The following SPACA7 variants were observed in gnomAD, a reference collection of about 807,000 sequenced individuals.
SPACA7 encodes the protein sperm acrosome-associated protein 7.
Under a neutral mutation model 26.3 loss-of-function variants are expected in SPACA7, and 19 were observed. The ratio of observed to expected loss-of-function variants is 0.72; its 90% CI spans 0.50 to 1.06. SPACA7 has a LOEUF of 1.06. Among genes scored for constraint, SPACA7 ranks in the 50% least tolerant of loss-of-function variants. SPACA7 has a pLI of 0.00. For missense variants in SPACA7, 211 were observed against 229.9 expected (o/e 0.92, Z 0.53); for synonymous variants, 84 against 84.5 (o/e 0.99, Z 0.04).
At chr13:112,389,759 A>G (rs1884756267) in intron 1 of SPACA7, among the ~76,000 whole-genome samples, 1 of 152,264 alleles carries the variant, frequency 6.6e-6, no homozygotes. Flanking sequence ...CCGGCAACAC[A>G]GTAACACAAA....
chr13:112,378,745 G>A (rs1176871614), intron 1 of SPACA7: 2 of 470,978 alleles, frequency 4.2e-6, no homozygotes, highest in African/African-American at 2.0e-5. Flanking sequence ...AGTTTCTCCA[G>A]CTCCATCAAA....
intron 2 of SPACA7, among the ~76,000 whole-genome samples, chr13:112,395,617 T>C (rs1318783631): frequency 2.0e-5 from 3 of 152,136 alleles, no homozygotes; most frequent in Non-Finnish European, 4.4e-5. Flanking sequence ...ATTTCAGATG[T>C]GCACCACCTC....
rs752294330 is a variant in SPACA7, at chr13:112,383,189, G to GA, written c.94+6713dup. Reference sequence around the variant, plus strand: ...AGAAAGAAAGAAAGAAAGAAAGAAAGAAAGAAAAGAAAGAAAGAAAGGAAA... The same window carrying GA: ...AGAAAGAAAGAAAGAAAGAAAGAAAGAAAAGAAAAGAAAGAAAGAAAGGAAA... On this transcript the variant is annotated intron_variant, in intron 1 of 6. Transcript: ENST00000283550. Among the ~76,000 whole-genome samples, 39 of 132,996 alleles carry GA rather than the reference G, an allele frequency of 2.9e-4. 1 individual carries two copies. The highest frequency in any genetic ancestry group is 4.8e-4 in the Non-Finnish European group (30 of 62,448). 87.3% of individuals were successfully genotyped at this position (132,996 alleles called of 152,430 possible). A position where few individuals can be genotyped will look rare whatever the true frequency, so the allele number is the denominator to read the frequency against.
At chr13:112,424,707 C>T (rs1876355193) in intron 5 of SPACA7, among the ~76,000 whole-genome samples, 2 of 152,250 alleles carry the variant, frequency 1.3e-5, no homozygotes, top group African/African-American at 2.4e-5. Context: ...TTACCAAAAG[C>T]CAAATGGAAG....
rs534161833 is a variant in SPACA7 at position 112,381,615 on chromosome 13, C to T, written c.94+5136C>T. 4.8e-4 allele frequency among the ~76,000 whole-genome samples: 73 copies of T among 152,274 alleles called. No individual in the cohort carries two copies. In the South Asian group the frequency reaches 8.5e-3, roughly 18 times the overall value. ...ACTGCGATAGAGAAAGAGTAATTCA[C>T]GCAGAGCCAGCTGTGCAGGAGACCA... On this transcript the variant is annotated intron_variant, in intron 1 of 6. Coordinates refer to ENST00000283550, the MANE Select transcript of SPACA7 (RefSeq NM_145248.5).
chr13:112,412,366 G>GT (rs1286257978), intron 5 of SPACA7, among the ~76,000 whole-genome samples: 1 of 150,970 alleles, frequency 6.6e-6, no homozygotes, highest in Non-Finnish European at 1.5e-5. Flanking sequence ...TTGATTTCTT[G>GT]TCAGATGGAT....
chr13:112,389,695 A>G (rs1476351431), intron 1 of SPACA7, among the ~76,000 whole-genome samples: 1 of 152,234 alleles, frequency 6.6e-6, no homozygotes, highest in Non-Finnish European at 1.5e-5. Flanking sequence ...ACATACAGAC[A>G]GACACATGAA....
intron 5 of SPACA7, among the ~76,000 whole-genome samples, chr13:112,410,405 T>C (rs1479973314): frequency 6.6e-6 from 1 of 152,076 alleles, no homozygotes; most frequent in Non-Finnish European, 1.5e-5. Context: ...GTTTAAATTA[T>C]AAAAGTTGTT....
intron 1 of SPACA7, among the ~76,000 whole-genome samples, chr13:112,383,216 AAGG>A (rs1253846507): frequency 3.5e-5 from 5 of 142,834 alleles, no homozygotes; most frequent in Admixed American, 1.4e-4. Flanking sequence ...GAAAGGAAAG[AAGG>A]AAGAAAGAAA....
intron 5 of SPACA7, among the ~76,000 whole-genome samples, chr13:112,404,975 CTTCT>C (rs1378845788): frequency 3.0e-5 from 3 of 100,750 alleles, no homozygotes; most frequent in African/African-American, 7.9e-5. Flanking sequence ...ATTGTATTCT[CTTCT>C]TTTTTTTTTT....
At chr13:112,380,920 A>C (rs1202724849) in intron 1 of SPACA7, among the ~76,000 whole-genome samples, 1 of 152,224 alleles carries the variant, frequency 6.6e-6, no homozygotes, top group Non-Finnish European at 1.5e-5. Flanking sequence ...GCATTCTGTA[A>C]CAAAGTAGCA....
chr13:112,384,822 C>T (rs1464459728), intron 1 of SPACA7, among the ~76,000 whole-genome samples: 4 of 152,224 alleles, frequency 2.6e-5, no homozygotes, highest in African/African-American at 9.6e-5. Context: ...AAACAAAACT[C>T]TTTCATTATA....
chr13:112,433,941 C>T (rs1280296423), intron 6 of SPACA7, among the ~76,000 whole-genome samples: 1 of 152,232 alleles, frequency 6.6e-6, no homozygotes, highest in Non-Finnish European at 1.5e-5. Flanking sequence ...TGGGACCTGA[C>T]TGTTCTGCAG....
intron 5 of SPACA7, among the ~76,000 whole-genome samples, chr13:112,402,962 T>TA (rs537394371): frequency 1.7e-4 from 26 of 152,120 alleles, no homozygotes; most frequent in Non-Finnish European, 3.1e-4. Context: ...GGGTTTTTTT[T>TA]AAACCTATCT....
At position 112,383,154 on chromosome 13, in the gene SPACA7, AAAG is replaced by A. The variant is rs1396260864; in HGVS notation, c.94+6678_94+6680del. On this transcript the variant is annotated intron_variant, in intron 1 of 6. Coordinates refer to ENST00000283550, the MANE Select transcript of SPACA7 (RefSeq NM_145248.5). ...GAAAGAAAGAAAGAAAGAAAGAAAGAAAGAAAGAAAGAAAGAAAGAAAGAAAGA... is the reference window on the plus strand; with the variant it reads ...GAAAGAAAGAAAGAAAGAAAGAAAGAAAAGAAAGAAAGAAAGAAAGAAAGA... Among the ~76,000 whole-genome samples the A allele has an allele frequency of 1.2e-3, 158 of 133,044 alleles. 1 individual carries two copies. The highest frequency in any genetic ancestry group is 4.4e-3 in the African/African-American group (142 of 32,120). 87.3% of individuals were successfully genotyped at this position (133,044 alleles called of 152,430 possible).
intron 5 of SPACA7, among the ~76,000 whole-genome samples, chr13:112,421,879 T>C (rs1876017334): frequency 6.6e-6 from 1 of 152,172 alleles, no homozygotes; most frequent in Non-Finnish European, 1.5e-5. Flanking sequence ...AAATACCGCA[T>C]GTTCTGACTT....
intron 5 of SPACA7, among the ~76,000 whole-genome samples, chr13:112,428,817 T>C (rs1876790430): frequency 2.0e-5 from 3 of 152,224 alleles, no homozygotes; most frequent in Admixed American, 2.0e-4. Context: ...ATGTGTATTA[T>C]ACTGTTAAGA....
chr13:112,390,098 A>G (rs548393537), intron 1 of SPACA7, among the ~76,000 whole-genome samples: 1 of 148,876 alleles, frequency 6.7e-6, no homozygotes, highest in Non-Finnish European at 1.5e-5. Flanking sequence ...GACTGTTGGG[A>G]GTCAAGGGGC....
intron 5 of SPACA7, among the ~76,000 whole-genome samples, chr13:112,420,553 C>T (rs1452016078): frequency 5.9e-5 from 9 of 151,792 alleles, no homozygotes; most frequent in Non-Finnish European, 1.3e-4. Context: ...AATGAAAAAA[C>T]ACCATATTAC....
Sources: gnomAD v4.1 joint callset for allele counts (sites outside exome capture counted in the v4.1 genomes callset) on GRCh38, gnomAD v4.1.1 for gene constraint, MANE v1.5 for transcripts, NCBI Gene and HGNC (gene_info 2026-07-23, HGNC 2026-07-21) for gene names.